Variants in GDA observed in about 807,000 individuals in gnomAD.
GDA encodes the protein guanine deaminase, also known as cytoplasmic PSD-95 interactor.
In GDA, 18 loss-of-function variants were observed where a neutral mutation model predicts 59.6. That is an observed-to-expected ratio of 0.30 (90% CI 0.21 to 0.45). The LOEUF (loss-of-function observed/expected upper bound fraction) is 0.45. GDA is among the 20% of genes least tolerant of loss of function. The pLI is 1.00. For missense variants in GDA, 427 were observed against 552.3 expected, an observed-to-expected ratio of 0.77 and a Z score of 2.27; for synonymous variants, 201 against 201.1, an observed-to-expected ratio of 1.00 and a Z score of 0.00.
upstream of GDA, among the ~76,000 whole-genome samples, chr9:72,147,851 T>A (rs1587340156): frequency 6.6e-6 from 1 of 152,236 alleles, no homozygotes; most frequent in African/African-American, 2.4e-5. Flanking sequence ...CAGGAGAAAG[T>A]GACAAGGAGC....
At chr9:72,131,122 T>C (rs2130613985) in intron 1 of GDA, among the ~76,000 whole-genome samples, 1 of 152,272 alleles carries the variant, frequency 6.6e-6, no homozygotes, top group Non-Finnish European at 1.5e-5. Flanking sequence ...TAATCAGCCA[T>C]TAAATAAATT....
chr9:72,142,527 C>A (rs1302337454), intron 1 of GDA, among the ~76,000 whole-genome samples: 1 of 150,360 alleles, frequency 6.7e-6, no homozygotes, highest in South Asian at 2.1e-4. Context: ...GAGCCGAGAT[C>A]GTGCCACTGA....
At chr9:72,205,779 C>T (rs1834618533) in intron 3 of GDA, among the ~76,000 whole-genome samples, 1 of 152,168 alleles carries the variant, frequency 6.6e-6, no homozygotes, top group Non-Finnish European at 1.5e-5. Context: ...CTTATAAACT[C>T]AAAGTTGAGA....
chr9:72,191,980 G>A (rs565177480), intron 1 of GDA, among the ~76,000 whole-genome samples: 3 of 152,036 alleles, frequency 2.0e-5, no homozygotes, highest in Admixed American at 6.5e-5. Flanking sequence ...CTCTTCTTTC[G>A]ATTAAGTGTG....
At chr9:72,220,836 T>C (rs1836761507) in intron 6 of GDA, among the ~76,000 whole-genome samples, 1 of 152,190 alleles carries the variant, frequency 6.6e-6, no homozygotes. Flanking sequence ...ACACCTCACA[T>C]GGCCTGCAGG....
At chr9:72,137,665 T>A (rs1479184486) in intron 1 of GDA, among the ~76,000 whole-genome samples, 1 of 152,162 alleles carries the variant, frequency 6.6e-6, no homozygotes, top group Non-Finnish European at 1.5e-5. Context: ...AGGTTTTCAA[T>A]CTCAGCACTA....
At chr9:72,146,734 C>T (rs573985197), upstream of GDA, among the ~76,000 whole-genome samples, 17 of 152,262 alleles carry the variant, frequency 1.1e-4, no homozygotes, top group East Asian at 1.4e-3. Flanking sequence ...TCAAGTGATC[C>T]GCCCTCCTCA....
intron 1 of GDA, among the ~76,000 whole-genome samples, chr9:72,153,662 G>A (rs1436072516): frequency 2.6e-5 from 4 of 151,520 alleles, no homozygotes; most frequent in African/African-American, 9.7e-5. Context: ...AAAAAATGAT[G>A]AGTTCATGTC....
In GDA at chr9:72,223,152, T is replaced by G. The variant is rs1837112405; in HGVS notation, c.639T>G (p.Arg213=). Residue 213 remains arginine (R), a synonymous_variant, in exon 7 of 14, where the codon CGT becomes CGG. Coordinates refer to ENST00000358399, the MANE Select transcript of GDA (RefSeq NM_004293.5). ...YSRVKPIVTP[R]FSLSCSETLM... ...GAGTGAAGCCCATAGTGACACCACG[T>G]TTTTCCCTCTCCTGCTCTGAGACTT... is the stretch of plus-strand genomic sequence containing the variant. 6.2e-7 allele frequency: 1 copy of G among 1,610,174 alleles called. No individual in the cohort carries two copies. The highest frequency in any genetic ancestry group is 8.5e-7 in the Non-Finnish European group (1 of 1,176,560).
chr9:72,232,766 T>C (rs1056988233), intron 10 of GDA, among the ~76,000 whole-genome samples: 10 of 152,252 alleles, frequency 6.6e-5, no homozygotes, highest in Admixed American at 5.9e-4. Flanking sequence ...TTATTATCTG[T>C]AAGACCTTGA....
At chr9:72,181,700 C>T (rs1198217481) in intron 1 of GDA, among the ~76,000 whole-genome samples, 2 of 151,996 alleles carry the variant, frequency 1.3e-5, no homozygotes, top group Non-Finnish European at 2.9e-5. Flanking sequence ...AGCACAGTGG[C>T]GTGATGGTAG....
chr9:72,238,351 A>G (rs1839247552), intron 10 of GDA, among the ~76,000 whole-genome samples: 1 of 152,174 alleles, frequency 6.6e-6, no homozygotes, highest in Non-Finnish European at 1.5e-5. Flanking sequence ...GTCTTCCCTC[A>G]CCATCCTATC....
At chr9:72,246,249 G>A (rs11143197) in intron 12 of GDA, among the ~76,000 whole-genome samples, 39,268 of 152,054 alleles carry the variant, frequency 0.26, 5,379 homozygotes, top group East Asian at 0.47. Flanking sequence ...CTGGGTTCAA[G>A]CAGCTCTCCT....
chr9:72,247,280 A>G (rs1306517543), intron 12 of GDA, 126 bp from the exon 13 acceptor site: 3 of 732,982 alleles, frequency 4.1e-6, no homozygotes, highest in Admixed American at 3.9e-5. Flanking sequence ...TTTAATTAAT[A>G]GAAGTAGATT....
chr9:72,208,073 C>CA lies in GDA; in HGVS notation c.385-2613dup, dbSNP rs377194549. Among the ~76,000 whole-genome samples, 168 of 152,202 alleles carry CA rather than the reference C, an allele frequency of 1.1e-3. 1 individual carries two copies. The highest frequency in any genetic ancestry group is 3.9e-3 in the African/African-American group (162 of 41,532). ...GCTGTGATGTGTGATGGCACCTCTG[C>CA]ACTCCAGAGCAAGACCCTGTCTCAA... On this transcript the variant is annotated intron_variant, in intron 3 of 13. Coordinates refer to ENST00000358399, the MANE Select transcript of GDA (RefSeq NM_004293.5).
chr9:72,181,645 CTTT>C (rs986756088), intron 1 of GDA, among the ~76,000 whole-genome samples: 1 of 151,854 alleles, frequency 6.6e-6, no homozygotes, highest in Non-Finnish European at 1.5e-5. Flanking sequence ...TTTTCACTTT[CTTT>C]TTTTTCTTTT....
At chr9:72,115,220 G>A (rs528124513) in intron 1 of GDA, among the ~76,000 whole-genome samples, 2 of 152,312 alleles carry the variant, frequency 1.3e-5, no homozygotes, top group South Asian at 2.1e-4. Context: ...AACAGCTCAA[G>A]CCATTCTCAA....
downstream of GDA, among the ~76,000 whole-genome samples, chr9:72,256,743 TC>T (rs1381017771): frequency 4.6e-5 from 7 of 152,316 alleles, no homozygotes; most frequent in East Asian, 1.3e-3. Context: ...CAGGCCCTTG[TC>T]CCTATACATT....
intron 1 of GDA, among the ~76,000 whole-genome samples, chr9:72,143,018 C>T (rs899373272): frequency 2.0e-5 from 3 of 151,766 alleles, no homozygotes; most frequent in Admixed American, 6.6e-5. Context: ...ATCCACCTGC[C>T]TCGGCCTCCC....
Sources: gnomAD v4.1 joint callset for allele counts (sites outside exome capture counted in the v4.1 genomes callset) on GRCh38, gnomAD v4.1.1 for gene constraint, MANE v1.5 for transcripts, NCBI Gene and HGNC (gene_info 2026-07-23, HGNC 2026-07-21) for gene names.